GPATCH2: variants seen among roughly 807,000 people sequenced by gnomAD.
The protein encoded by GPATCH2 is G patch domain-containing protein 2.
In GPATCH2, 51 loss-of-function variants were observed where a neutral mutation model predicts 58.0. That is an observed-to-expected ratio of 0.88 (90% CI 0.70 to 1.11). The LOEUF (loss-of-function observed/expected upper bound fraction) is 1.11. Ranked by LOEUF, GPATCH2 falls within the 50% of genes most tolerant of loss-of-function variation. The probability of loss-of-function intolerance (pLI) is 0.00; values close to 1 mark genes in which losing one functional copy is unlikely to be tolerated. For synonymous variants in GPATCH2, 222 were observed against 218.5 expected, an observed-to-expected ratio of 1.02 and a Z score of -0.14; for missense variants, 625 against 652.2, an observed-to-expected ratio of 0.96 and a Z score of 0.45.
At chr1:217,585,758 G>A (rs917382685) in intron 5 of GPATCH2, among the ~76,000 whole-genome samples, 2 of 152,086 alleles carry the variant, frequency 1.3e-5, no homozygotes, top group African/African-American at 2.4e-5. Context: ...TTAACACCAG[G>A]GATACATTCT....
At chr1:217,611,625 G>T (rs1327633444) in intron 3 of GPATCH2, among the ~76,000 whole-genome samples, 1 of 152,138 alleles carries the variant, frequency 6.6e-6, no homozygotes, top group African/African-American at 2.4e-5. Flanking sequence ...TTTCTTTGCA[G>T]CAGATATAGG....
chr1:217,445,286 A>G (rs945017170), intron 9 of GPATCH2, among the ~76,000 whole-genome samples: 9 of 152,148 alleles, frequency 5.9e-5, no homozygotes, highest in African/African-American at 2.2e-4. Context: ...TTGAATTTTC[A>G]TACTGTACAG....
At chr1:217,463,103 A>G (rs926506712) in intron 8 of GPATCH2, among the ~76,000 whole-genome samples, 9 of 152,240 alleles carry the variant, frequency 5.9e-5, no homozygotes, top group Non-Finnish European at 1.3e-4. Flanking sequence ...AGGCCCAATC[A>G]TAAGTACAAA....
intron 6 of GPATCH2, among the ~76,000 whole-genome samples, chr1:217,502,202 A>C (rs1396903081): frequency 6.6e-6 from 1 of 152,038 alleles, no homozygotes; most frequent in Non-Finnish European, 1.5e-5. Context: ...TGTGATTCAA[A>C]TTCCTTTGCT....
At chr1:217,522,149 T>A (rs565019901) in intron 5 of GPATCH2, among the ~76,000 whole-genome samples, 1 of 152,276 alleles carries the variant, frequency 6.6e-6, no homozygotes, top group Admixed American at 6.5e-5. Flanking sequence ...TTGTAAACAA[T>A]TTTTTCCTAG....
chr1:217,440,217 T>C (rs942364319), intron 9 of GPATCH2, among the ~76,000 whole-genome samples: 4 of 152,144 alleles, frequency 2.6e-5, no homozygotes, highest in African/African-American at 9.7e-5. Context: ...CATACTCAAA[T>C]CAATAAACGT....
At chr1:217,600,584 T>C (rs1668061201) in intron 5 of GPATCH2, among the ~76,000 whole-genome samples, 1 of 152,102 alleles carries the variant, frequency 6.6e-6, no homozygotes, top group African/African-American at 2.4e-5. Flanking sequence ...AATAATTGTA[T>C]CAGAAACATA....
intron 5 of GPATCH2, among the ~76,000 whole-genome samples, chr1:217,549,760 G>A (rs959432618): frequency 6.6e-6 from 1 of 152,210 alleles, no homozygotes; most frequent in South Asian, 2.1e-4. Context: ...AACATAGAAA[G>A]ACTTCCTAAT....
chr1:217,523,411 A>C (rs9724943), intron 5 of GPATCH2, among the ~76,000 whole-genome samples: 3 of 151,532 alleles, frequency 2.0e-5, no homozygotes, highest in Non-Finnish European at 4.4e-5. Context: ...TCTGTTTAAC[A>C]AGGCACAACT....
At chr1:217,597,251 T>A (rs1191257170) in intron 5 of GPATCH2, among the ~76,000 whole-genome samples, 3 of 151,918 alleles carry the variant, frequency 2.0e-5, no homozygotes, top group African/African-American at 7.3e-5. Context: ...GAGGATCACT[T>A]GAGCCCAGGA....
chr1:217,605,919 C>G (rs1256580908), intron 5 of GPATCH2, among the ~76,000 whole-genome samples: 1 of 151,986 alleles, frequency 6.6e-6, no homozygotes. Context: ...GGCTGAATCT[C>G]CTGGATAATA....
chr1:217,457,424 G>C (rs1659993352), intron 8 of GPATCH2, among the ~76,000 whole-genome samples: 1 of 152,140 alleles, frequency 6.6e-6, no homozygotes, highest in Non-Finnish European at 1.5e-5. Flanking sequence ...AATCATTTAT[G>C]TAAAACATTT....
At chr1:217,555,446 G>A (rs1665572321) in intron 5 of GPATCH2, among the ~76,000 whole-genome samples, 1 of 152,074 alleles carries the variant, frequency 6.6e-6, no homozygotes, top group Non-Finnish European at 1.5e-5. Context: ...AGGACAATTT[G>A]CTCCTGCTTG....
intron 1 of GPATCH2, among the ~76,000 whole-genome samples, chr1:217,621,645 A>G (rs1669192295): frequency 6.6e-6 from 1 of 152,242 alleles, no homozygotes; most frequent in African/African-American, 2.4e-5. Flanking sequence ...GAATCAGGTT[A>G]TAGCTGGTTA....
intron 8 of GPATCH2, among the ~76,000 whole-genome samples, chr1:217,472,269 C>T (rs1317797799): frequency 1.3e-5 from 2 of 149,692 alleles, no homozygotes; most frequent in Admixed American, 6.7e-5. Flanking sequence ...TAGTATTAGG[C>T]ATCGCTTAGT....
At chr1:217,550,093 A>T (rs1665273772) in intron 5 of GPATCH2, among the ~76,000 whole-genome samples, 1 of 152,136 alleles carries the variant, frequency 6.6e-6, no homozygotes, top group African/African-American at 2.4e-5. Context: ...TATCCCACAG[A>T]ATATAAGACT....
At chr1:217,602,912 A>G (rs995412762) in intron 5 of GPATCH2, among the ~76,000 whole-genome samples, 2 of 152,188 alleles carry the variant, frequency 1.3e-5, no homozygotes, top group Non-Finnish European at 2.9e-5. Flanking sequence ...CTTTATGAAG[A>G]GAATTTATTT....
At chr1:217,615,287 A>C (rs1239314029) in intron 2 of GPATCH2, among the ~76,000 whole-genome samples, 4 of 152,092 alleles carry the variant, frequency 2.6e-5, no homozygotes, top group Non-Finnish European at 5.9e-5. Flanking sequence ...TTAATGAAGA[A>C]TATAGGAATT....
At chr1:217,574,741 G>A (rs1472940624) in intron 5 of GPATCH2, among the ~76,000 whole-genome samples, 3 of 151,828 alleles carry the variant, frequency 2.0e-5, no homozygotes, top group African/African-American at 7.3e-5. Context: ...AAGGTACAGA[G>A]ATTAAGTAAA....
Sources: gnomAD v4.1 joint callset for allele counts (sites outside exome capture counted in the v4.1 genomes callset) on GRCh38, gnomAD v4.1.1 for gene constraint, MANE v1.5 for transcripts, NCBI Gene and HGNC (gene_info 2026-07-23, HGNC 2026-07-21) for gene names.